LRRC37A2: variants seen among roughly 807,000 people sequenced by gnomAD.
The protein encoded by LRRC37A2 is leucine rich repeat containing 37 member A2.
A neutral mutation model predicts 68.8 loss-of-function variants in LRRC37A2; 9 were observed. The observed-to-expected ratio is 0.13, with a 90% CI of 0.08 to 0.23. LRRC37A2 has a LOEUF of 0.23. LRRC37A2 is among the 10% of genes least tolerant of loss of function. The pLI, the probability that LRRC37A2 is intolerant of heterozygous loss-of-function variation, is 1.00. For missense variants in LRRC37A2, 168 were observed against 950.4 expected (o/e 0.18, Z 10.82); for synonymous variants, 63 against 367.6 (o/e 0.17, Z 9.48).
At chr17:46,888,369 G>C in the LRRC37A2 span, among the ~76,000 whole-genome samples, 3 of 152,292 alleles carry the variant, frequency 2.0e-5, no homozygotes, top group South Asian at 6.2e-4. Flanking sequence ...TGGCACACAG[G>C]ATGTGCTTAC....
the LRRC37A2 span, among the ~76,000 whole-genome samples, chr17:46,820,490 C>T: frequency 1.3e-5 from 2 of 151,664 alleles, no homozygotes; most frequent in Non-Finnish European, 2.9e-5. Context: ...AGGGGGGAGG[C>T]GGAGAGCACC....
At chr17:47,019,277 C>A in the LRRC37A2 span, 2,900 of 1,592,098 alleles carry the variant, frequency 1.8e-3, 138 homozygotes, top group African/African-American at 0.036. Context: ...CTCCAGGACA[C>A]CCTGAGGTGA....
At chr17:46,818,559 C>T in the LRRC37A2 span, 1 of 1,609,008 alleles carries the variant, frequency 6.2e-7, no homozygotes, top group South Asian at 1.1e-5. Context: ...TGCCACCGAG[C>T]AGGAGGCCGA....
chr17:46,382,008 G>A, the LRRC37A2 span, among the ~76,000 whole-genome samples: 2 of 126,442 alleles, frequency 1.6e-5, no homozygotes, highest in African/African-American at 2.7e-5. Context: ...GCTGGGCATG[G>A]TGGCTCACAC....
the LRRC37A2 span, among the ~76,000 whole-genome samples, chr17:46,708,477 A>G: frequency 1.4e-5 from 2 of 145,520 alleles, no homozygotes; most frequent in East Asian, 4.0e-4. Flanking sequence ...CTTATCAACC[A>G]TTTGTTACAT....
At chr17:46,485,951 C>G in the LRRC37A2 span, among the ~76,000 whole-genome samples, 1 of 77,996 alleles carries the variant, frequency 1.3e-5, no homozygotes, top group African/African-American at 4.5e-5. Flanking sequence ...GCACTCCAGC[C>G]TGGGGGACAG....
the LRRC37A2 span, among the ~76,000 whole-genome samples, chr17:46,947,066 G>T: frequency 3.4e-4 from 51 of 152,136 alleles, no homozygotes; most frequent in African/African-American, 1.2e-3. Flanking sequence ...GTTTGGAGTG[G>T]ATTGTGGAAA....
At chr17:46,972,951 A>C in the LRRC37A2 span, 1 of 153,946 alleles carries the variant, frequency 6.5e-6, no homozygotes, top group South Asian at 2.0e-4. Flanking sequence ...CGTCAAGTTT[A>C]TTAGGAGTGT....
the LRRC37A2 span, among the ~76,000 whole-genome samples, chr17:47,004,483 T>A: frequency 1.3e-5 from 2 of 152,222 alleles, no homozygotes; most frequent in Non-Finnish European, 2.9e-5. Flanking sequence ...ACAGTCCCAC[T>A]GGGGGCCTCC....
At chr17:46,730,343 G>A in the LRRC37A2 span, among the ~76,000 whole-genome samples, 1 of 152,084 alleles carries the variant, frequency 6.6e-6, no homozygotes, top group Admixed American at 6.6e-5. Context: ...TATGCTAAAA[G>A]TCACTTGGGA....
the LRRC37A2 span, among the ~76,000 whole-genome samples, chr17:46,461,729 G>A: frequency 1.6e-4 from 10 of 63,042 alleles, no homozygotes; most frequent in East Asian, 2.0e-3. Context: ...GGAAAAAAAC[G>A]TTTGGGAAGT....
chr17:46,796,967 C>T, the LRRC37A2 span, among the ~76,000 whole-genome samples: 1 of 152,156 alleles, frequency 6.6e-6, no homozygotes, highest in African/African-American at 2.4e-5. Flanking sequence ...ACCAAACTGA[C>T]TGAAATAGGC....
At chr17:46,965,176 CAGGG>C in the LRRC37A2 span, 2 of 152,224 alleles carry the variant, frequency 1.3e-5, no homozygotes, top group African/African-American at 4.8e-5. Context: ...GGGCAGGGCC[CAGGG>C]CATAGTGGAA....
chr17:46,897,932 C>T, the LRRC37A2 span, among the ~76,000 whole-genome samples: 1 of 152,150 alleles, frequency 6.6e-6, no homozygotes, highest in African/African-American at 2.4e-5. Context: ...GTCCTGCACA[C>T]CCAGGACCCA....
chr17:46,872,736 C>A, the LRRC37A2 span: 1 of 1,560,532 alleles, frequency 6.4e-7, no homozygotes. Context: ...AGCGCTGGAA[C>A]TGTAGCCTGG....
chr17:46,932,853 A>G, the LRRC37A2 span: 1 of 152,728 alleles, frequency 6.5e-6, no homozygotes, highest in Non-Finnish European at 1.5e-5. Flanking sequence ...TATTCCACTA[A>G]ATGAAGTGTG....
At chr17:46,502,003 C>A in the LRRC37A2 span, among the ~76,000 whole-genome samples, 2 of 151,302 alleles carry the variant, frequency 1.3e-5, no homozygotes, top group South Asian at 4.1e-4. Context: ...TGTTTCTAAC[C>A]TGTGACCATT....
the LRRC37A2 span, among the ~76,000 whole-genome samples, chr17:46,922,513 T>C: frequency 6.6e-6 from 1 of 151,914 alleles, no homozygotes; most frequent in African/African-American, 2.4e-5. Flanking sequence ...AGAAAAAAAA[T>C]CTATAACTAC....
At chr17:46,770,059 G>A in the LRRC37A2 span, 7 of 1,535,762 alleles carry the variant, frequency 4.6e-6, no homozygotes, top group South Asian at 7.2e-5. Context: ...CTGCGGGGAG[G>A]TCGTGGGGAG....
Sources: gnomAD v4.1 joint callset for allele counts (sites outside exome capture counted in the v4.1 genomes callset) on GRCh38, gnomAD v4.1.1 for gene constraint, MANE v1.5 for transcripts, NCBI Gene and HGNC (gene_info 2026-07-23, HGNC 2026-07-21) for gene names.